OPTN: variants seen among roughly 807,000 people sequenced by gnomAD.
OPTN encodes E3-14.7K-interacting protein.
OPTN carries 54 observed loss-of-function variants against 70.4 expected under a neutral mutation model. That is an observed-to-expected ratio of 0.77 (90% CI 0.62 to 0.96). OPTN has a LOEUF of 0.96. OPTN is among the 40% of genes least tolerant of loss of function. The pLI is 0.00. For missense variants in OPTN, 624 were observed against 673.2 expected, an observed-to-expected ratio of 0.93 and a Z score of 0.81; for synonymous variants, 256 against 248.5, an observed-to-expected ratio of 1.03 and a Z score of -0.28.
Position 13,125,940 on chromosome 10 carries a change from T to A in OPTN, c.1149-6T>A. The A allele has an allele frequency of 6.3e-7, 1 of 1,594,330 alleles. No homozygotes were observed. Among genetic ancestry groups the A allele is most frequent in the South Asian group, 1.1e-5 (1 of 90,610 alleles). On this transcript the variant is annotated splice_region_variant and splice_polypyrimidine_tract_variant and intron_variant, in intron 10 of 14. Transcript: ENST00000378747. Reference sequence around the variant, plus strand: ...GGATTCCATTTTTTAATATCTTTTTTAATAGGTCCAAATTAACTGTGCTAC... The same window carrying A: ...GGATTCCATTTTTTAATATCTTTTTAAATAGGTCCAAATTAACTGTGCTAC...
intron 14 of OPTN, among the ~76,000 whole-genome samples, chr10:13,134,978 G>T (rs988054841): frequency 3.3e-5 from 5 of 152,204 alleles, no homozygotes; most frequent in Admixed American, 2.6e-4. Flanking sequence ...CTCTGGCAAT[G>T]GGGTGATTAG....
At position 13,116,270 on chromosome 10, in the gene OPTN, G is replaced by A; in HGVS notation, c.556G>A (p.Gly186Arg). ...DSFVEIRMAE[G>R]EAEGSVKEIK... ...CCTTGCATTTCTGTTTTCACAGGAA[G>A]GAGAAGCAGAAGGGTCAGTAAAAGA... The change falls in exon 6 of 15, where the codon GGA (glycine) becomes AGA (arginine). Residue 186 changes from glycine (G) to arginine (R), a missense_variant. Gly to Arg is a moderately radical substitution (Grantham distance 125, BLOSUM62 -2). Transcript: ENST00000378747. 1 of 1,603,856 alleles carries A rather than the reference G, an allele frequency of 6.2e-7. No individual in the cohort carries two copies. The highest frequency in any genetic ancestry group is 1.1e-5 in the South Asian group (1 of 90,860).
rs550042475 is a variant in OPTN, at chr10:13,136,775, G to A, written c.1643G>A (p.Arg548Gln). Residue 548 changes from arginine to glutamine, a missense_variant, in exon 15 of 15, where the codon CGG (arginine) becomes CAG (glutamine). Coordinates refer to ENST00000378747, the MANE Select transcript of OPTN (RefSeq NM_001008212.2). ...GAGGACAGGGACTGGCGGCAACAGC[G>A]GAATATTCCGATTCATTCCTGCCCC... ...GAEDRDWRQQRNIPIHSCPKC... is the reference protein window; with the variant it reads ...GAEDRDWRQQQNIPIHSCPKC... 33 of 1,614,076 alleles carry A rather than the reference G, an allele frequency of 2.0e-5. No individual in the cohort carries two copies. Among genetic ancestry groups the A allele is most frequent in the East Asian group, 6.7e-5 (3 of 44,884 alleles).
chr10:13,102,690 C>T (rs1832775507), intron 1 of OPTN, among the ~76,000 whole-genome samples: 2 of 152,154 alleles, frequency 1.3e-5, no homozygotes, highest in African/African-American at 4.8e-5. Flanking sequence ...TGCCTGTAAT[C>T]CCAGCACTTA....
chr10:13,111,506 T>C (rs1195616728), intron 4 of OPTN, among the ~76,000 whole-genome samples: 1 of 150,110 alleles, frequency 6.7e-6, no homozygotes, highest in African/African-American at 2.4e-5. Context: ...GAGACCAGCC[T>C]GGCCAACATG....
chr10:13,112,681 C>T, intron 5 of OPTN, 46 bp downstream of exon 5: 1 of 1,570,716 alleles, frequency 6.4e-7, no homozygotes, highest in Non-Finnish European at 8.8e-7. Flanking sequence ...TATAAAGCCT[C>T]CCCTGGAAAG....
At position 13,136,939 on chromosome 10, in the gene OPTN, TTATTTGTTTTCACTCAAA is replaced by T. The variant is rs1833714391; in HGVS notation, c.*79_*96del. On this transcript the variant is annotated 3_prime_UTR_variant, in exon 15 of 15. Coordinates refer to ENST00000378747, the MANE Select transcript of OPTN (RefSeq NM_001008212.2). The stretch of plus-strand genomic sequence containing the variant: ...TTCCTCCAAGAGTTGTGCTTTTGTG[TTATTTGTTTTCACTCAAA>T]TATTTTGCCTCATTATTCTTGTTTT... 2 of 1,593,356 alleles carry T rather than the reference TTATTTGTTTTCACTCAAA, an allele frequency of 1.3e-6. No homozygotes were observed. Among genetic ancestry groups the T allele is most frequent in the Admixed American group, 1.7e-5 (1 of 59,972 alleles).
At chr10:13,113,245 C>T (rs1833048671) in intron 5 of OPTN, among the ~76,000 whole-genome samples, 1 of 152,188 alleles carries the variant, frequency 6.6e-6, no homozygotes, top group African/African-American at 2.4e-5. Context: ...AGGCTAGTCT[C>T]AAACTCCTGG....
At chr10:13,132,586 G>A (rs1833616886) in intron 13 of OPTN, among the ~76,000 whole-genome samples, 2 of 151,918 alleles carry the variant, frequency 1.3e-5, no homozygotes, top group African/African-American at 4.8e-5. Flanking sequence ...GCATGATCAT[G>A]GTTCACTGCA....
chr10:13,101,339 AAACT>A lies in OPTN; in HGVS notation c.-164+1041_-164+1044del, dbSNP rs1440186542. On this transcript the variant is annotated intron_variant, in intron 1 of 14. Coordinates refer to ENST00000378747, the MANE Select transcript of OPTN (RefSeq NM_001008212.2). ...TAAAAGTAACAGCTTCTTTTTTTAT[AAACT>A]AACCTTTAGGTTGCATATTATGCTA... Among the ~76,000 whole-genome samples the A allele has an allele frequency of 2.0e-5, 3 of 152,266 alleles. No homozygotes were observed. In the East Asian group the frequency reaches 5.8e-4, roughly 29 times the overall value.
intron 14 of OPTN, among the ~76,000 whole-genome samples, chr10:13,136,505 C>CAAAAAAA (rs71386161): frequency 6.9e-5 from 5 of 72,850 alleles, no homozygotes; most frequent in Middle Eastern, 0.014. Flanking sequence ...GACTCCGTCT[C>CAAAAAAA]AAAAAAAAAA....
At chr10:13,108,828 G>A in intron 2 of OPTN, 1 of 389,548 alleles carries the variant, frequency 2.6e-6, no homozygotes, top group South Asian at 2.2e-5. Context: ...TTACAGGCGT[G>A]AGCCACCACG....
chr10:13,110,098 G>A, intron 3 of OPTN, 176 bp from the exon 4 acceptor site: 1 of 1,163,596 alleles, frequency 8.6e-7, no homozygotes, highest in South Asian at 1.5e-5. Context: ...CATCCCGCTA[G>A]TCTTTTCTGT....
At chr10:13,119,548 T>C (rs1833296626) in intron 7 of OPTN, among the ~76,000 whole-genome samples, 1 of 152,218 alleles carries the variant, frequency 6.6e-6, no homozygotes, top group Non-Finnish European at 1.5e-5. Flanking sequence ...TATGTGTTTT[T>C]AATTCTCTGG....
At chr10:13,111,488 A>G (rs1363455447) in intron 4 of OPTN, among the ~76,000 whole-genome samples, 2 of 152,010 alleles carry the variant, frequency 1.3e-5, no homozygotes, top group Non-Finnish European at 2.9e-5. Flanking sequence ...ACCTGAGGTG[A>G]GGAGTTCGAG....
At chr10:13,104,425 CTTTTT>C (rs34844442) in intron 1 of OPTN, 335 of 148,240 alleles carry the variant, frequency 2.3e-3, no homozygotes, top group Middle Eastern at 8.2e-3. Context: ...CACCCAGCTA[CTTTTT>C]TTTTTTTTTT....
intron 6 of OPTN, 116 bp from the exon 7 acceptor site, chr10:13,118,772 T>C (rs921769243): frequency 1.1e-6 from 1 of 891,648 alleles, no homozygotes; most frequent in African/African-American, 1.7e-5. Flanking sequence ...TGAGAATTAG[T>C]TGGAGAATGT....
chr10:13,109,018 A>T, intron 2 of OPTN, 94 bp from the exon 3 acceptor site: 2 of 1,109,876 alleles, frequency 1.8e-6, no homozygotes, highest in Non-Finnish European at 2.7e-6. Flanking sequence ...CTTTTGGAGT[A>T]AGTATTAGCA....
intron 6 of OPTN, 94 bp downstream of exon 6, chr10:13,116,434 GA>G: frequency 2.4e-6 from 2 of 831,504 alleles, no homozygotes; most frequent in Non-Finnish European, 4.2e-6. Flanking sequence ...GTGACCTGAG[GA>G]AGTAACTTCT....
Sources: gnomAD v4.1 joint callset for allele counts (sites outside exome capture counted in the v4.1 genomes callset) on GRCh38, gnomAD v4.1.1 for gene constraint, MANE v1.5 for transcripts, NCBI Gene and HGNC (gene_info 2026-07-23, HGNC 2026-07-21) for gene names.